GRXCR2: variants seen among roughly 807,000 people sequenced by gnomAD.
The protein encoded by GRXCR2 is glutaredoxin domain-containing cysteine-rich protein 2.
GRXCR2 carries 23 observed loss-of-function variants against 24.8 expected under a neutral mutation model. That is an observed-to-expected ratio of 0.93 (90% CI 0.67 to 1.32). The LOEUF is 1.32. Ranked by LOEUF, GRXCR2 falls within the 40% of genes most tolerant of loss-of-function variation. The pLI, the probability that GRXCR2 is intolerant of heterozygous loss-of-function variation, is 0.00. For missense variants in GRXCR2, 315 were observed against 303.4 expected, an observed-to-expected ratio of 1.04 and a Z score of -0.28; for synonymous variants, 130 against 116.1, an observed-to-expected ratio of 1.12 and a Z score of -0.77.
At chr5:145,929,223 A>ATATATATATC (rs926767823) in intron 2 of GRXCR2, among the ~76,000 whole-genome samples, 1 of 142,900 alleles carries the variant, frequency 7.0e-6, no homozygotes, top group African/African-American at 2.6e-5. Flanking sequence ...ATATATATAT[A>ATATATATATC]TCACCATTTA....
intron 2 of GRXCR2, among the ~76,000 whole-genome samples, chr5:145,897,729 C>G (rs1456001058): frequency 1.3e-5 from 2 of 151,874 alleles, no homozygotes; most frequent in African/African-American, 2.4e-5. Context: ...TTTTGGTAAG[C>G]AACAAAATCA....
At chr5:145,923,975 CT>C (rs1044110759) in intron 2 of GRXCR2, among the ~76,000 whole-genome samples, 307 of 152,116 alleles carry the variant, frequency 2.0e-3, no homozygotes, top group African/African-American at 6.9e-3. Context: ...TGTAGAATTA[CT>C]GAGTGAAATG....
At chr5:145,901,276 C>T (rs1202140537) in intron 2 of GRXCR2, among the ~76,000 whole-genome samples, 1 of 151,624 alleles carries the variant, frequency 6.6e-6, no homozygotes, top group African/African-American at 2.4e-5. Flanking sequence ...ATATTATGCA[C>T]ATGTACTCAC....
At chr5:145,865,646 C>T (rs1473848897) in intron 2 of GRXCR2, among the ~76,000 whole-genome samples, 1 of 152,150 alleles carries the variant, frequency 6.6e-6, no homozygotes, top group Admixed American at 6.5e-5. Flanking sequence ...CAGTAGCGTC[C>T]AGCTCACTTG....
At chr5:145,931,017 T>C (rs953827793) in intron 2 of GRXCR2, among the ~76,000 whole-genome samples, 5 of 151,934 alleles carry the variant, frequency 3.3e-5, no homozygotes, top group Admixed American at 1.3e-4. Context: ...TCCAAAACCA[T>C]AGGGCTTTTT....
At chr5:145,909,145 A>G (rs1470684192) in intron 2 of GRXCR2, among the ~76,000 whole-genome samples, 2 of 152,236 alleles carry the variant, frequency 1.3e-5, no homozygotes, top group Non-Finnish European at 2.9e-5. Flanking sequence ...TTAACATAGT[A>G]CACAGCACAT....
At chr5:145,896,839 G>T (rs1259832215) in intron 2 of GRXCR2, among the ~76,000 whole-genome samples, 1 of 152,112 alleles carries the variant, frequency 6.6e-6, no homozygotes, top group Non-Finnish European at 1.5e-5. Context: ...GCACACGTAT[G>T]TTTATTGCGG....
intron 1 of GRXCR2, among the ~76,000 whole-genome samples, chr5:145,868,701 A>G (rs1291997524): frequency 6.6e-6 from 1 of 152,210 alleles, no homozygotes; most frequent in South Asian, 2.1e-4. Context: ...ATACGCTAAA[A>G]GAATCTGAGA....
chr5:145,920,030 T>C (rs912040658), intron 2 of GRXCR2, among the ~76,000 whole-genome samples: 9 of 152,190 alleles, frequency 5.9e-5, no homozygotes, highest in Non-Finnish European at 8.8e-5. Flanking sequence ...CAGCGATGAC[T>C]TGTGGATCCT....
At chr5:145,925,097 A>G (rs1239243234) in intron 2 of GRXCR2, among the ~76,000 whole-genome samples, 1 of 152,310 alleles carries the variant, frequency 6.6e-6, no homozygotes, top group African/African-American at 2.4e-5. Context: ...TGTGCTCACA[A>G]TAATCCTATG....
chr5:145,894,944 A>C (rs934260412), intron 2 of GRXCR2, among the ~76,000 whole-genome samples: 3 of 152,196 alleles, frequency 2.0e-5, no homozygotes, highest in Non-Finnish European at 4.4e-5. Flanking sequence ...ACCATGATCA[A>C]GTCGTCTTCA....
chr5:145,873,039 G>C, upstream of GRXCR2: 1 of 1,291,390 alleles, frequency 7.7e-7, no homozygotes, highest in South Asian at 1.4e-5. Flanking sequence ...TGAGAAAAAG[G>C]CATTTTATTT....
chr5:145,881,589 T>C (rs960948319), intron 2 of GRXCR2, among the ~76,000 whole-genome samples: 2 of 152,180 alleles, frequency 1.3e-5, no homozygotes, highest in Non-Finnish European at 2.9e-5. Flanking sequence ...ATTGTGAAAA[T>C]GGCCATGCTG....
intron 1 of GRXCR2, among the ~76,000 whole-genome samples, chr5:145,867,726 T>G (rs373862324): frequency 6.6e-6 from 1 of 152,202 alleles, no homozygotes; most frequent in Non-Finnish European, 1.5e-5. Context: ...GATATTTAGT[T>G]GTGTAGTGTG....
upstream of GRXCR2, among the ~76,000 whole-genome samples, chr5:145,874,267 G>C (rs909794327): frequency 2.7e-5 from 4 of 150,142 alleles, no homozygotes; most frequent in South Asian, 4.2e-4. Flanking sequence ...GCAGTGGTAC[G>C]ATCTCGGCTC....
chr5:145,868,524 C>T (rs1199429342), intron 1 of GRXCR2, among the ~76,000 whole-genome samples: 1 of 152,120 alleles, frequency 6.6e-6, no homozygotes, highest in Non-Finnish European at 1.5e-5. Context: ...TTTATGCAGG[C>T]TGGATTCTTA....
intron 2 of GRXCR2, among the ~76,000 whole-genome samples, chr5:145,895,103 C>G (rs1407572024): frequency 6.6e-6 from 1 of 152,072 alleles, no homozygotes; most frequent in Non-Finnish European, 1.5e-5. Context: ...GCTAAAAACT[C>G]TCAATAAATT....
At chr5:145,867,564 C>T (rs1346004727) in intron 1 of GRXCR2, among the ~76,000 whole-genome samples, 1 of 152,118 alleles carries the variant, frequency 6.6e-6, no homozygotes, top group African/African-American at 2.4e-5. Flanking sequence ...ATCATTTGCT[C>T]AGGAATAAAC....
chr5:145,882,038 T>C (rs1445330764), intron 2 of GRXCR2, among the ~76,000 whole-genome samples: 1 of 152,214 alleles, frequency 6.6e-6, no homozygotes, highest in African/African-American at 2.4e-5. Context: ...ATTAAAGACT[T>C]AAATGTTAGA....
Sources: allele counts gnomAD v4.1 joint callset (sites outside exome capture counted in the v4.1 genomes callset), GRCh38; gene constraint gnomAD v4.1.1; transcripts MANE v1.5; gene names NCBI Gene and HGNC (gene_info 2026-07-23, HGNC 2026-07-21).